ADAMTS6: variants seen among roughly 807,000 people sequenced by gnomAD.
The protein encoded by ADAMTS6 is ADAM metallopeptidase with thrombospondin type 1 motif 6, also known as A disintegrin and metalloproteinase with thrombospondin motifs 6.
ADAMTS6 carries 23 observed loss-of-function variants against 144.3 expected under a neutral mutation model. The observed-to-expected ratio is 0.16, with a 90% CI of 0.11 to 0.23. The LOEUF (loss-of-function observed/expected upper bound fraction) is 0.23. Among genes scored for constraint, ADAMTS6 ranks in the 10% least tolerant of loss-of-function variants. The pLI, the probability that ADAMTS6 is intolerant of heterozygous loss-of-function variation, is 1.00. For missense variants in ADAMTS6, 999 were observed against 1,379.6 expected (o/e 0.72, Z 4.37); for synonymous variants, 444 against 457.5 (o/e 0.97, Z 0.38).
chr5:65,452,298 AT>A, intron 5 of ADAMTS6, 82 bp from the exon 6 acceptor site: 4 of 1,216,044 alleles, frequency 3.3e-6, no homozygotes, highest in Non-Finnish European at 4.8e-6. Flanking sequence ...TGCTAAAACA[AT>A]TTTTTATAAA....
intron 20 of ADAMTS6, among the ~76,000 whole-genome samples, chr5:65,204,579 G>C (rs1755958716): frequency 6.6e-6 from 1 of 152,158 alleles, no homozygotes; most frequent in Admixed American, 6.5e-5. Context: ...GTGGGAGAGA[G>C]TGAATAGGGG....
chr5:65,462,659 A>AT (rs1580766332), intron 3 of ADAMTS6, among the ~76,000 whole-genome samples: 1 of 151,974 alleles, frequency 6.6e-6, no homozygotes, highest in Non-Finnish European at 1.5e-5. Context: ...GTATTTATTT[A>AT]TTTTTTCACA....
rs1300713760 is a variant in ADAMTS6 at position 65,172,816 on chromosome 5, A to C, written c.3087+16T>G. The C allele has an allele frequency of 5.0e-6, 8 of 1,609,424 alleles. No individual in the cohort carries two copies. The East Asian group carries it at 1.6e-4, about 31-fold the overall frequency. On this transcript the variant is annotated intron_variant, in intron 23 of 24. Coordinates refer to ENST00000381055, the MANE Select transcript of ADAMTS6 (RefSeq NM_197941.4). ...AGGTGCTATTTCAGCAGGAGCCCAC[A>C]GTACAAACGCCTTACCTGGCCCCAG...
At chr5:65,224,525 T>C in intron 17 of ADAMTS6, 125 bp from the exon 18 acceptor site, 3 of 822,942 alleles carry the variant, frequency 3.6e-6, no homozygotes, top group East Asian at 5.1e-5. Context: ...TTATGAATTA[T>C]GAAATATGGG....
intron 15 of ADAMTS6, among the ~76,000 whole-genome samples, chr5:65,241,045 A>T (rs934680561): frequency 2.0e-5 from 3 of 152,194 alleles, no homozygotes. Flanking sequence ...TTTGAAATAC[A>T]TCAAAAAGTA....
chr5:65,478,808 A>G (rs1761016936), intron 1 of ADAMTS6, among the ~76,000 whole-genome samples: 1 of 152,210 alleles, frequency 6.6e-6, no homozygotes, highest in Admixed American at 6.5e-5. Flanking sequence ...TTGATTTCAC[A>G]TATGCTTTTC....
At chr5:65,220,136 T>G (rs1259328104) in intron 18 of ADAMTS6, among the ~76,000 whole-genome samples, 1 of 152,136 alleles carries the variant, frequency 6.6e-6, no homozygotes, top group Non-Finnish European at 1.5e-5. Context: ...ACTAAAATCA[T>G]ATAAGGTGTG....
chr5:65,235,140 T>C (rs1453858985), intron 15 of ADAMTS6, among the ~76,000 whole-genome samples: 2 of 152,138 alleles, frequency 1.3e-5, no homozygotes, highest in Admixed American at 6.6e-5. Context: ...GTTCTAGAGA[T>C]CTAATATAGT....
At chr5:65,224,225 A>G (rs1193072342) in intron 18 of ADAMTS6, 95 bp downstream of exon 18, 1 of 971,134 alleles carries the variant, frequency 1.0e-6, no homozygotes, top group East Asian at 2.4e-5. Flanking sequence ...AAAGTGATCT[A>G]CCTCAAAGAA....
At chr5:65,464,641 T>C (rs1759868272) in intron 3 of ADAMTS6, among the ~76,000 whole-genome samples, 1 of 152,192 alleles carries the variant, frequency 6.6e-6, no homozygotes. Context: ...ATGACATAGA[T>C]GGTCTCTTCA....
intron 15 of ADAMTS6, among the ~76,000 whole-genome samples, chr5:65,239,005 T>C (rs569414202): frequency 1.6e-4 from 25 of 152,124 alleles, no homozygotes; most frequent in Non-Finnish European, 3.1e-4. Context: ...AACATCAAAG[T>C]TAATGGAACT....
At chr5:65,330,725 T>C (rs1580413572) in intron 8 of ADAMTS6, among the ~76,000 whole-genome samples, 1 of 152,236 alleles carries the variant, frequency 6.6e-6, no homozygotes, top group Middle Eastern at 3.4e-3. Context: ...GATTTGCTAA[T>C]AGATCGTTTG....
At chr5:65,217,981 G>A (rs1388129238) in intron 18 of ADAMTS6, among the ~76,000 whole-genome samples, 3 of 152,116 alleles carry the variant, frequency 2.0e-5, no homozygotes, top group Non-Finnish European at 4.4e-5. Flanking sequence ...TCTGCTTGGA[G>A]ACACTTTCTT....
At chr5:65,403,849 C>A (rs1381369454) in intron 7 of ADAMTS6, among the ~76,000 whole-genome samples, 1 of 152,036 alleles carries the variant, frequency 6.6e-6, no homozygotes, top group Non-Finnish European at 1.5e-5. Context: ...TCTTTCTTTT[C>A]ACCTGTGTCC....
Position 65,183,797 on chromosome 5 carries a change from T to C in ADAMTS6, c.2910+4219A>G, listed in dbSNP as rs7712159. Among the ~76,000 whole-genome samples the C allele has an allele frequency of 3.9e-3, 590 of 152,330 alleles. 5 individuals carry two copies. The highest frequency in any genetic ancestry group is 0.014 in the African/African-American group (570 of 41,568). On this transcript the variant is annotated intron_variant, in intron 22 of 24. Coordinates refer to ENST00000381055, the MANE Select transcript of ADAMTS6 (RefSeq NM_197941.4). ...AGAGATAATCATTAGCCTATACCCA[T>C]GCAAAGAGTATGTTTTTGCGTAACT...
intron 9 of ADAMTS6, among the ~76,000 whole-genome samples, chr5:65,326,689 T>C (rs542814559): frequency 6.6e-6 from 1 of 152,312 alleles, no homozygotes; most frequent in East Asian, 1.9e-4. Context: ...TCATAAAGGA[T>C]ACAAGTCACA....
chr5:65,383,398 G>A (rs927338554), intron 7 of ADAMTS6, among the ~76,000 whole-genome samples: 2 of 152,128 alleles, frequency 1.3e-5, no homozygotes, highest in Non-Finnish European at 2.9e-5. Context: ...TCAGGCATAG[G>A]ATAGATGTTC....
intron 22 of ADAMTS6, among the ~76,000 whole-genome samples, chr5:65,175,218 A>AAG (rs931567233): frequency 6.6e-6 from 1 of 151,656 alleles, no homozygotes; most frequent in South Asian, 2.1e-4. Context: ...AAAAGGGGCA[A>AAG]AGAGAGAGAG....
intron 7 of ADAMTS6, among the ~76,000 whole-genome samples, chr5:65,365,593 G>A (rs1271075728): frequency 6.6e-6 from 1 of 151,490 alleles, no homozygotes; most frequent in African/African-American, 2.4e-5. Context: ...GTTTCAGTGA[G>A]CGGAGATCAT....
Sources: gnomAD v4.1 joint callset for allele counts (sites outside exome capture counted in the v4.1 genomes callset) on GRCh38, gnomAD v4.1.1 for gene constraint, MANE v1.5 for transcripts, NCBI Gene and HGNC (gene_info 2026-07-23, HGNC 2026-07-21) for gene names.